Variants in APELA observed in about 807,000 individuals in gnomAD.
APELA encodes protein Elabela.
intron 2 of APELA, among the ~76,000 whole-genome samples, chr4:164,885,605 A>C (rs2111058471): frequency 6.6e-6 from 1 of 152,070 alleles, no homozygotes; most frequent in Non-Finnish European, 1.5e-5. Flanking sequence ...GCCAGGTCTC[A>C]TGGTGGGCAC....
At chr4:164,891,176 C>T (rs1730875272) in intron 2 of APELA, among the ~76,000 whole-genome samples, 1 of 152,010 alleles carries the variant, frequency 6.6e-6, no homozygotes, top group South Asian at 2.1e-4. Flanking sequence ...TTCTTCCATT[C>T]TGTGGATGTC....
intron 2 of APELA, 160 bp downstream of exon 2, chr4:164,879,169 C>T (rs1175418222): frequency 2.5e-6 from 1 of 392,258 alleles, no homozygotes; most frequent in Admixed American, 4.4e-5. Flanking sequence ...AAATGAATGA[C>T]ATGACTTTTG....
At chr4:164,890,286 T>C (rs1730854800) in intron 2 of APELA, among the ~76,000 whole-genome samples, 1 of 152,316 alleles carries the variant, frequency 6.6e-6, no homozygotes. Context: ...ATTTAAGGTG[T>C]ACAATTTAAT....
Position 164,892,802 on chromosome 4 carries a change from G to A in APELA, c.*2-2614G>A, listed in dbSNP as rs2111068309. Among the ~76,000 whole-genome samples the A allele has an allele frequency of 2.0e-5, 3 of 152,152 alleles. No individual in the cohort carries two copies. The South Asian group carries it at 6.2e-4, about 32-fold the overall frequency. On this transcript the variant is annotated intron_variant, in intron 2 of 2. Coordinates refer to ENST00000507152, the MANE Select transcript of APELA (RefSeq NM_001297550.2). ...TTTTTCTTGCTATATATCCATTTCA[G>A]ATTTTTATTTCTTTTTGAGTCAGTT...
At chr4:164,878,131 G>T in intron 1 of APELA, among the ~76,000 whole-genome samples, 1 of 126,158 alleles carries the variant, frequency 7.9e-6, no homozygotes, top group South Asian at 2.5e-4. Context: ...GAACCAGTAA[G>T]TTTGAAAAAA....
chr4:164,882,992 C>G (rs1219831200), intron 2 of APELA, among the ~76,000 whole-genome samples: 1 of 152,078 alleles, frequency 6.6e-6, no homozygotes. Context: ...CCAACTGATA[C>G]TCTCTTGTCA....
chr4:164,883,513 G>T (rs1730701282), intron 2 of APELA, among the ~76,000 whole-genome samples: 1 of 141,806 alleles, frequency 7.1e-6, no homozygotes. Context: ...TTTGAGACAG[G>T]ATCTCATTCT....
intron 2 of APELA, among the ~76,000 whole-genome samples, chr4:164,894,954 G>A (rs915250219): frequency 6.6e-6 from 1 of 152,212 alleles, no homozygotes; most frequent in African/African-American, 2.4e-5. Flanking sequence ...GATGTGAAGT[G>A]AAAGTGAAAT....
At chr4:164,879,897 T>C (rs954149369) in intron 2 of APELA, among the ~76,000 whole-genome samples, 3 of 152,242 alleles carry the variant, frequency 2.0e-5, no homozygotes, top group South Asian at 2.1e-4. Context: ...AAGGATAAAT[T>C]CTGGTAGAGT....
intron 2 of APELA, among the ~76,000 whole-genome samples, chr4:164,879,456 C>T (rs969261294): frequency 2.0e-5 from 3 of 152,004 alleles, no homozygotes; most frequent in Middle Eastern, 3.2e-3. Context: ...TCTTACCTCT[C>T]CCCTCTCCCC....
In APELA at chr4:164,889,340, T is replaced by C. The variant is rs1579111387; in HGVS notation, c.*2-6076T>C. Among the ~76,000 whole-genome samples, 4 of 152,332 alleles carry C rather than the reference T, an allele frequency of 2.6e-5. No individual in the cohort carries two copies. The South Asian group carries it at 8.3e-4, about 32-fold the overall frequency. On this transcript the variant is annotated intron_variant, in intron 2 of 2. Transcript: ENST00000507152. Reference sequence around the variant, plus strand: ...TTTATATATACGAAAATTATATGTGTATAAATATGACATATATACACATTA... The same window carrying C: ...TTTATATATACGAAAATTATATGTGCATAAATATGACATATATACACATTA...
chr4:164,882,070 C>T lies in APELA; in HGVS notation c.*1+3061C>T, dbSNP rs556938505. ...ATGTACTCTAGATAACTACATACTC[C>T]GTCAATACATACTCTACTAGCTTTT... On this transcript the variant is annotated intron_variant, in intron 2 of 2. Coordinates refer to ENST00000507152, the MANE Select transcript of APELA (RefSeq NM_001297550.2). 7.9e-5 allele frequency among the ~76,000 whole-genome samples: 12 copies of T among 151,992 alleles called. No homozygotes were observed. The South Asian group carries it at 1.2e-3, about 16-fold the overall frequency.
intron 2 of APELA, among the ~76,000 whole-genome samples, chr4:164,886,714 A>G (rs980336461): frequency 6.6e-6 from 1 of 152,086 alleles, no homozygotes; most frequent in Non-Finnish European, 1.5e-5. Flanking sequence ...ATATCAATGC[A>G]TAAATATAGT....
chr4:164,889,197 G>A (rs900952326), intron 2 of APELA, among the ~76,000 whole-genome samples: 5 of 151,978 alleles, frequency 3.3e-5, no homozygotes, highest in Non-Finnish European at 5.9e-5. Context: ...GGATGAGGGT[G>A]GGGGATATGT....
rs960952128 is a variant in APELA, at chr4:164,895,558, C to T, written c.*144C>T. On this transcript the variant is annotated 3_prime_UTR_variant, in exon 3 of 3. Coordinates refer to ENST00000507152, the MANE Select transcript of APELA (RefSeq NM_001297550.2). ...ACAAAAAAAGGATCATTTGAAAGCA[C>T]CTGGAATGGTTTATTAGCTTCACAG... 2.0e-5 allele frequency: 3 copies of T among 152,132 alleles called. No individual in the cohort carries two copies. The highest frequency in any genetic ancestry group is 1.3e-4 in the Admixed American group (2 of 15,272). 9.4% of individuals were successfully genotyped at this position (152,132 alleles called of 1,614,324 possible). A position where few individuals can be genotyped will look rare whatever the true frequency, so the allele number is the denominator to read the frequency against.
chr4:164,895,759 A>G lies in APELA; in HGVS notation c.*345A>G, dbSNP rs1459202367. ...CCTTTTAGTGTTTTAGAACTCTCTC[A>G]TGGTAAAAAGTGCAAGAATTTAAAA... On this transcript the variant is annotated 3_prime_UTR_variant, in exon 3 of 3. Coordinates refer to ENST00000507152, the MANE Select transcript of APELA (RefSeq NM_001297550.2). 2.0e-5 allele frequency: 3 copies of G among 152,248 alleles called. No homozygotes were observed. The highest frequency in any genetic ancestry group is 1.3e-4 in the Admixed American group (2 of 15,282). 9.4% of individuals were successfully genotyped at this position (152,248 alleles called of 1,614,324 possible). A position where few individuals can be genotyped will look rare whatever the true frequency, so the allele number is the denominator to read the frequency against.
In APELA at chr4:164,895,246, G is replaced by T. The variant is rs139016842; in HGVS notation, c.*2-170G>T. 3.3e-3 allele frequency among the ~76,000 whole-genome samples: 500 copies of T among 152,142 alleles called. 3 individuals carry two copies. The highest frequency in any genetic ancestry group is 0.011 in the African/African-American group (462 of 41,486). On this transcript the variant is annotated intron_variant, in intron 2 of 2. Coordinates refer to ENST00000507152, the MANE Select transcript of APELA (RefSeq NM_001297550.2). Reference sequence around the variant, plus strand: ...AATTCAGCCTTTTAAAGACACATAGGTGCTGCATTTCTATTGGAAGGTAAG... The same window carrying T: ...AATTCAGCCTTTTAAAGACACATAGTTGCTGCATTTCTATTGGAAGGTAAG...
chr4:164,892,404 G>T (rs553141046), intron 2 of APELA, among the ~76,000 whole-genome samples: 1 of 152,196 alleles, frequency 6.6e-6, no homozygotes, highest in African/African-American at 2.4e-5. Context: ...TATGTGTTTT[G>T]TCTCTTATTC....
chr4:164,890,807 G>C (rs900073181), intron 2 of APELA, among the ~76,000 whole-genome samples: 3 of 152,208 alleles, frequency 2.0e-5, no homozygotes, highest in Non-Finnish European at 2.9e-5. Context: ...ACTCATTGAG[G>C]AACTGCCAAA....
Sources: gnomAD v4.1 joint callset for allele counts (sites outside exome capture counted in the v4.1 genomes callset) on GRCh38, gnomAD v4.1.1 for gene constraint, MANE v1.5 for transcripts, NCBI Gene and HGNC (gene_info 2026-07-23, HGNC 2026-07-21) for gene names.